MACROD2: variants seen among roughly 807,000 people sequenced by gnomAD.
MACROD2 encodes the protein mono-ADP ribosylhydrolase 2, also known as ADP-ribose glycohydrolase MACROD2.
A neutral mutation model predicts 70.4 loss-of-function variants in MACROD2; 36 were observed. That is an observed-to-expected ratio of 0.51 (90% CI 0.39 to 0.68). MACROD2 has a LOEUF of 0.68. Among genes scored for constraint, MACROD2 ranks in the 30% least tolerant of loss-of-function variants. The pLI, the probability that MACROD2 is intolerant of heterozygous loss-of-function variation, is 0.00. For synonymous variants in MACROD2, 172 were observed against 178.8 expected (o/e 0.96, Z 0.30); for missense variants, 496 against 538.4 (o/e 0.92, Z 0.78).
chr20:14,849,472 G>T (rs566193380), intron 5 of MACROD2, among the ~76,000 whole-genome samples: 1 of 152,172 alleles, frequency 6.6e-6, no homozygotes, highest in East Asian at 1.9e-4. Flanking sequence ...CAAGCATTAC[G>T]TGATGTCCTT....
intron 2 of MACROD2, among the ~76,000 whole-genome samples, chr20:14,058,273 T>G (rs2053652896): frequency 6.6e-6 from 1 of 152,104 alleles, no homozygotes; most frequent in Non-Finnish European, 1.5e-5. Context: ...ATATTATTAT[T>G]AAATAATATT....
At chr20:15,165,259 C>A (rs986284154) in intron 5 of MACROD2, among the ~76,000 whole-genome samples, 1 of 152,128 alleles carries the variant, frequency 6.6e-6, no homozygotes, top group Non-Finnish European at 1.5e-5. Flanking sequence ...AGTTCGAGAC[C>A]AGCCTGGCCA....
At chr20:14,214,466 G>A (rs2081597579) in intron 3 of MACROD2, among the ~76,000 whole-genome samples, 2 of 151,988 alleles carry the variant, frequency 1.3e-5, no homozygotes, top group South Asian at 4.1e-4. Flanking sequence ...ATGGAAGTGG[G>A]CATAATCTTT....
chr20:14,784,678 G>T lies in MACROD2; in HGVS notation c.418+99719G>T, dbSNP rs572850245. On this transcript the variant is annotated intron_variant, in intron 5 of 17. Coordinates refer to ENST00000684519, the MANE Select transcript of MACROD2 (RefSeq NM_001351661.2). ...GGATGGTGTTTTAAGTGGGGGGGGG[G>T]GGGCACCAGATTCAGTTACCTGGAT... is the stretch of plus-strand genomic sequence containing the variant. Among the ~76,000 whole-genome samples the T allele has an allele frequency of 6.2e-4, 84 of 134,852 alleles. 4 individuals carry two copies. The highest frequency in any genetic ancestry group is 9.5e-4 in the Non-Finnish European group (59 of 61,986). The allele number at this position is 134,852 out of a possible 152,430, so 88.5% of individuals were successfully genotyped here.
At chr20:15,570,195 A>T (rs370143546) in intron 8 of MACROD2, among the ~76,000 whole-genome samples, 1 of 152,148 alleles carries the variant, frequency 6.6e-6, no homozygotes, top group South Asian at 2.1e-4. Context: ...AGCCTTGCCA[A>T]CACTTGTTGT....
intron 5 of MACROD2, among the ~76,000 whole-genome samples, chr20:15,167,636 T>C (rs76907277): frequency 0.017 from 2,652 of 152,258 alleles, 75 homozygotes; most frequent in African/African-American, 0.061. Context: ...ATATCAAAGG[T>C]CAGAGCAGAC....
chr20:15,355,335 C>T (rs1235402460), intron 6 of MACROD2, among the ~76,000 whole-genome samples: 2 of 152,178 alleles, frequency 1.3e-5, no homozygotes, highest in Non-Finnish European at 2.9e-5. Flanking sequence ...ATAATTGCTA[C>T]ACCTATAATT....
chr20:14,165,775 T>G (rs1438513763), intron 3 of MACROD2, among the ~76,000 whole-genome samples: 1 of 152,200 alleles, frequency 6.6e-6, no homozygotes, highest in African/African-American at 2.4e-5. Context: ...AAAGAGTAAA[T>G]GCATTGATGG....
intron 7 of MACROD2, among the ~76,000 whole-genome samples, chr20:15,477,060 G>GT (rs745323473): frequency 1.1e-4 from 15 of 138,486 alleles, no homozygotes; most frequent in Middle Eastern, 3.8e-3. Flanking sequence ...TTTCTATAGT[G>GT]TTTTTGCTCC....
intron 15 of MACROD2, among the ~76,000 whole-genome samples, chr20:16,035,184 T>A (rs75259922): frequency 0.77 from 93,959 of 121,762 alleles, 36,588 homozygotes; most frequent in Non-Finnish European, 0.83. Flanking sequence ...TATTATATAT[T>A]ATATATAAAA....
intron 5 of MACROD2, among the ~76,000 whole-genome samples, chr20:14,990,638 C>A (rs1186916292): frequency 1.3e-5 from 2 of 151,792 alleles, no homozygotes; most frequent in Non-Finnish European, 2.9e-5. Flanking sequence ...CTCAGCCTCC[C>A]AAGTAGCAGG....
chr20:14,800,613 G>A (rs1048345136), intron 5 of MACROD2, among the ~76,000 whole-genome samples: 7 of 151,982 alleles, frequency 4.6e-5, no homozygotes, highest in Non-Finnish European at 8.8e-5. Flanking sequence ...AATTTTTTCC[G>A]GAAATTCCAC....
chr20:15,926,585 G>A (rs2065492801), intron 10 of MACROD2, among the ~76,000 whole-genome samples: 1 of 152,214 alleles, frequency 6.6e-6, no homozygotes. Context: ...GAGTGTGTGA[G>A]GGTGGGGAGA....
chr20:14,001,177 C>T (rs1025896447), intron 1 of MACROD2, among the ~76,000 whole-genome samples: 1 of 152,232 alleles, frequency 6.6e-6, no homozygotes, highest in Middle Eastern at 3.4e-3. Context: ...TTCCTGAAAC[C>T]TCTCTTGCTT....
chr20:14,871,392 C>T (rs1021871678), intron 5 of MACROD2, among the ~76,000 whole-genome samples: 2 of 152,058 alleles, frequency 1.3e-5, no homozygotes, highest in Non-Finnish European at 2.9e-5. Context: ...AAAGAAATTC[C>T]AACCCAGGAT....
At chr20:15,382,789 A>T (rs1234633617) in intron 6 of MACROD2, among the ~76,000 whole-genome samples, 2 of 152,188 alleles carry the variant, frequency 1.3e-5, no homozygotes, top group Admixed American at 1.3e-4. Flanking sequence ...ACACTTACAC[A>T]TCCCTGAAAT....
At chr20:14,036,953 T>G (rs1233380276) in intron 2 of MACROD2, among the ~76,000 whole-genome samples, 2 of 152,260 alleles carry the variant, frequency 1.3e-5, no homozygotes, top group African/African-American at 4.8e-5. Context: ...CGTTTTGTGG[T>G]AAAGTTACAA....
rs56752104 is a variant in MACROD2 at position 15,206,721 on chromosome 20, G to GTTTTTTTTTTTTTTT, written c.419-23207_419-23193dup. ...GCATGAAGTCTTTCATATTATCTAT[G>GTTTTTTTTTTTTTTT]TTTTTTTTTTTTTTTTTTTTTTTTT... is the stretch of plus-strand genomic sequence containing the variant. On this transcript the variant is annotated intron_variant, in intron 5 of 17. Transcript: ENST00000684519. 4.5e-3 allele frequency among the ~76,000 whole-genome samples: 150 copies of GTTTTTTTTTTTTTTT among 33,002 alleles called. 43 individuals are homozygous for GTTTTTTTTTTTTTTT. The highest frequency in any genetic ancestry group is 6.0e-3 in the African/African-American group (39 of 6,544). The allele number at this position is 33,002 out of a possible 152,430, so 21.7% of individuals were successfully genotyped here. A position where few individuals can be genotyped will look rare whatever the true frequency, so the allele number is the denominator to read the frequency against.
At chr20:14,383,376 C>A (rs1179721517) in intron 3 of MACROD2, among the ~76,000 whole-genome samples, 9 of 151,260 alleles carry the variant, frequency 6.0e-5, no homozygotes, top group Non-Finnish European at 1.3e-4. Context: ...CAAACAAAAA[C>A]TTGTGCCTCT....
Sources: gnomAD v4.1 joint callset for allele counts (sites outside exome capture counted in the v4.1 genomes callset) on GRCh38, gnomAD v4.1.1 for gene constraint, MANE v1.5 for transcripts, NCBI Gene and HGNC (gene_info 2026-07-23, HGNC 2026-07-21) for gene names.